Variants in TADA3 observed in about 807,000 individuals in gnomAD.
The protein encoded by TADA3 is transcriptional adaptor 3.
Under a neutral mutation model 43.2 loss-of-function variants are expected in TADA3, and 25 were observed. The ratio of observed to expected loss-of-function variants is 0.58; its 90% CI spans 0.42 to 0.81. TADA3 has a LOEUF of 0.81. Among genes scored for constraint, TADA3 ranks in the 30% least tolerant of loss-of-function variants. TADA3 has a pLI of 0.00. For synonymous variants in TADA3, 235 were observed against 225.5 expected (o/e 1.04, Z -0.38); for missense variants, 441 against 567.8 (o/e 0.78, Z 2.27).
chr3:9,787,680 C>T (rs949990787), intron 4 of TADA3: 111 of 1,348,838 alleles, frequency 8.2e-5, no homozygotes, highest in Non-Finnish European at 1.1e-4. Flanking sequence ...AGGGAATTAC[C>T]TTTTGTATTG....
chr3:9,786,864 T>C, intron 6 of TADA3, 142 bp downstream of exon 6: 1 of 686,090 alleles, frequency 1.5e-6, no homozygotes, highest in Non-Finnish European at 2.5e-6. Flanking sequence ...TCTTTTGCTA[T>C]ATATTAGTCC....
rs533431391 is a variant in TADA3, at chr3:9,787,497, CCT to C, written c.565-159_565-158del. ...GTAAGAAAGTACAACGAAGATAAAA[CCT>C]GTACTTCACACTCTAGTAAGGGAGA... is the stretch of plus-strand genomic sequence containing the variant. On this transcript the variant is annotated intron_variant, in intron 4 of 8. Transcript: ENST00000301964. 1,896 of 1,130,294 alleles carry C rather than the reference CCT, an allele frequency of 1.7e-3. 20 individuals are homozygous for C. In the African/African-American group the frequency reaches 0.027, roughly 16 times the overall value. The allele number at this position is 1,130,294 out of a possible 1,614,324, so 70.0% of individuals were successfully genotyped here.
At chr3:9,787,902 GGA>G (rs2078653931) in intron 4 of TADA3, 1 of 377,712 alleles carries the variant, frequency 2.6e-6, no homozygotes, top group South Asian at 2.1e-5. Context: ...GAGACAAGAG[GGA>G]GAGAAGAGCT....
At chr3:9,781,621 A>G (rs1308839945) in intron 8 of TADA3, 3 of 455,008 alleles carry the variant, frequency 6.6e-6, no homozygotes, top group African/African-American at 2.0e-5. Context: ...CACCAGATCA[A>G]TCTCTCTGAA....
chr3:9,790,351 C>G (rs1170406476), intron 2 of TADA3, among the ~76,000 whole-genome samples: 1 of 152,206 alleles, frequency 6.6e-6, no homozygotes, highest in Non-Finnish European at 1.5e-5. Context: ...GAGTCATAGC[C>G]TTCCTCAAGG....
intron 7 of TADA3, 145 bp downstream of exon 7, chr3:9,785,165 ACGCTGG>A: frequency 3.4e-6 from 2 of 591,902 alleles, no homozygotes; most frequent in Non-Finnish European, 6.1e-6. Context: ...GCATGCAGAC[ACGCTGG>A]GTCATCACTC....
chr3:9,782,622 C>A (rs1293874667), intron 8 of TADA3, among the ~76,000 whole-genome samples: 1 of 152,156 alleles, frequency 6.6e-6, no homozygotes. Flanking sequence ...ATCTAAGAGA[C>A]AGTAAGAATG....
intron 8 of TADA3, chr3:9,781,384 TACTATTATTCATA>T: frequency 2.5e-6 from 1 of 405,946 alleles, no homozygotes. Context: ...GCAAAATATG[TACTATTATTCATA>T]TGTTACCCGT....
intron 6 of TADA3, 72 bp from the exon 7 acceptor site, chr3:9,785,497 G>T: frequency 9.7e-7 from 1 of 1,028,136 alleles, no homozygotes; most frequent in Non-Finnish European, 1.5e-6. Context: ...GACCTACACT[G>T]ACAGTCTTCA....
At chr3:9,787,969 G>T (rs2125624821) in intron 4 of TADA3, 1 of 339,422 alleles carries the variant, frequency 2.9e-6, no homozygotes. Flanking sequence ...ATGAGGGCGA[G>T]ATACTTGGTG....
At position 9,792,302 on chromosome 3, in the gene TADA3, C is replaced by T. The variant is rs293778; in HGVS notation, c.-114G>A. Reference sequence around the variant, plus strand: ...GCACAGAAGTGGGACTGTTTAATGGCTGGCCCCGCCCGGGGGTCGCCCAAA... The same window carrying T: ...GCACAGAAGTGGGACTGTTTAATGGTTGGCCCCGCCCGGGGGTCGCCCAAA... On this transcript the variant is annotated 5_prime_UTR_variant, in exon 1 of 9. Transcript: ENST00000301964. 31,251 of 169,066 alleles carry T rather than the reference C, an allele frequency of 0.18. 3,305 individuals carry two copies. The highest frequency in any genetic ancestry group is 0.27 in the African/African-American group (11,507 of 41,984). 10.5% of individuals were successfully genotyped at this position (169,066 alleles called of 1,614,324 possible).
In TADA3 at chr3:9,789,565, C is replaced by T; in HGVS notation, c.508G>A (p.Val170Ile). ...PYCADITSEEVRTLEELLKPP... is the reference protein window; with the variant it reads ...PYCADITSEEIRTLEELLKPP... Reference sequence around the variant, plus strand: ...TTCAGTAACTCCTCAAGTGTGCGGACCTCCTCGCTGGTGATGTCAGCACAG... The same window carrying T: ...TTCAGTAACTCCTCAAGTGTGCGGATCTCCTCGCTGGTGATGTCAGCACAG... The change falls in exon 4 of 9, where the codon GTC (valine) becomes ATC (isoleucine). Residue 170 changes from valine to isoleucine, a missense_variant. Transcript: ENST00000301964. 2 of 1,614,200 alleles carry T rather than the reference C, an allele frequency of 1.2e-6. No homozygotes were observed. The highest frequency in any genetic ancestry group is 2.2e-5 in the South Asian group (2 of 91,078).
chr3:9,792,829 A>C, upstream of TADA3: 1 of 1,350,304 alleles, frequency 7.4e-7, no homozygotes, highest in Non-Finnish European at 9.5e-7. Context: ...TACCTGGGGG[A>C]GGCTGTGGCA....
chr3:9,789,613 A>G lies in TADA3; in HGVS notation c.460T>C (p.Phe154Leu). Residue 154 changes from phenylalanine to leucine, a missense_variant and splice_region_variant, in exon 4 of 9, where the codon TTC (phenylalanine) becomes CTC (leucine). Transcript: ENST00000301964. ...RIPKNDAPNR[F>L]WASVEPYCAD... ...CAGTAGGGCTCCACTGAAGCCCAGA[A>G]CCTGCAGGGAGAAGCAGATCCTGAG... 1 of 1,613,848 alleles carries G rather than the reference A, an allele frequency of 6.2e-7. No homozygotes were observed. Among genetic ancestry groups the G allele is most frequent in the Non-Finnish European group, 8.5e-7 (1 of 1,179,870 alleles).
intron 4 of TADA3, chr3:9,787,639 G>C: frequency 2.2e-6 from 3 of 1,363,042 alleles, no homozygotes; most frequent in African/African-American, 1.5e-5. Flanking sequence ...TGCCTCTCGA[G>C]AGAATTAGGA....
chr3:9,792,738 G>T, upstream of TADA3: 1 of 1,243,390 alleles, frequency 8.0e-7, no homozygotes, highest in East Asian at 3.2e-5. Flanking sequence ...TGGGGGTACA[G>T]AACCGGAAGA....
rs1436425552 is a variant in TADA3 at position 9,789,843 on chromosome 3, C to A, written c.328G>T (p.Ala110Ser). Residue 110 changes from alanine to serine, a missense_variant, in exon 3 of 9, where the codon GCA (alanine) becomes TCA (serine). By Grantham distance (99) the Ala-to-Ser change is moderately conservative. Coordinates refer to ENST00000301964, the MANE Select transcript of TADA3 (RefSeq NM_006354.5). The stretch of plus-strand genomic sequence containing the variant: ...GGGCCAGGGCCCGGCCCATGTCCTG[C>A]CTTCCCTTCCAGTTTCTGCTTCTTG... ...KPKKQKLEGKAGHGPGPGPGR... is the reference protein window; with the variant it reads ...KPKKQKLEGKSGHGPGPGPGR... 3 of 1,614,138 alleles carry A rather than the reference C, an allele frequency of 1.9e-6. No homozygotes were observed. The highest frequency in any genetic ancestry group is 2.5e-6 in the Non-Finnish European group (3 of 1,180,062).
At chr3:9,782,895 G>A (rs375688414) in intron 8 of TADA3, among the ~76,000 whole-genome samples, 47 of 152,068 alleles carry the variant, frequency 3.1e-4, no homozygotes, top group African/African-American at 1.0e-3. Flanking sequence ...AGACTTGTTC[G>A]GGTTGCTTCC....
intron 4 of TADA3, among the ~76,000 whole-genome samples, chr3:9,788,682 G>C (rs1415261862): frequency 6.6e-6 from 1 of 151,934 alleles, no homozygotes; most frequent in Non-Finnish European, 1.5e-5. Context: ...CAGGATTACA[G>C]GTGCATGCCA....
Sources: allele counts gnomAD v4.1 joint callset (sites outside exome capture counted in the v4.1 genomes callset), GRCh38; gene constraint gnomAD v4.1.1; transcripts MANE v1.5; gene names NCBI Gene and HGNC (gene_info 2026-07-23, HGNC 2026-07-21).